The following RELN variants were observed in gnomAD, a reference collection of about 807,000 sequenced individuals.
RELN encodes reelin.
In RELN, 108 loss-of-function variants were observed where a neutral mutation model predicts 427.6. The observed-to-expected ratio is 0.25, with a 90% CI of 0.22 to 0.30. The LOEUF (loss-of-function observed/expected upper bound fraction) is 0.30, where lower values mean the gene tolerates loss of function less well. Among genes scored for constraint, RELN ranks in the 10% least tolerant of loss-of-function variants. The pLI is 1.00. For synonymous variants in RELN, 1,524 were observed against 1,513.4 expected (o/e 1.01, Z -0.16); for missense variants, 3,715 against 4,302.8 (o/e 0.86, Z 3.82).
intron 2 of RELN, among the ~76,000 whole-genome samples, chr7:103,914,193 T>G (rs2116662259): frequency 6.6e-6 from 1 of 152,314 alleles, no homozygotes; most frequent in South Asian, 2.1e-4. Flanking sequence ...TTTGTTTGTC[T>G]TACTAGCTAA....
intron 57 of RELN, among the ~76,000 whole-genome samples, chr7:103,494,705 C>T (rs1450899651): frequency 2.6e-5 from 4 of 151,752 alleles, no homozygotes; most frequent in African/African-American, 9.7e-5. Flanking sequence ...CTTTGCCTTT[C>T]TCTGAGTGTC....
intron 20 of RELN, among the ~76,000 whole-genome samples, chr7:103,616,382 G>A (rs747736932): frequency 3.3e-5 from 5 of 152,000 alleles, no homozygotes; most frequent in African/African-American, 4.8e-5. Context: ...TCAAAGAAAC[G>A]TTTACTAGAT....
At chr7:103,944,128 A>C (rs1796171691) in intron 1 of RELN, among the ~76,000 whole-genome samples, 1 of 152,166 alleles carries the variant, frequency 6.6e-6, no homozygotes, top group South Asian at 2.1e-4. Flanking sequence ...GCGAATGGAG[A>C]AAAAACTGTG....
chr7:103,623,955 T>G (rs764561188), intron 20 of RELN, among the ~76,000 whole-genome samples: 12 of 152,174 alleles, frequency 7.9e-5, no homozygotes, highest in Non-Finnish European at 1.8e-4. Context: ...CTTTTGTAAC[T>G]TAAAATTCCA....
intron 1 of RELN, among the ~76,000 whole-genome samples, chr7:103,970,907 G>A (rs890882381): frequency 2.0e-5 from 3 of 152,142 alleles, no homozygotes; most frequent in Non-Finnish European, 1.5e-5. Context: ...TGTAATCCCA[G>A]CACTTTGGGA....
At chr7:103,660,667 A>G (rs1178396871) in intron 12 of RELN, among the ~76,000 whole-genome samples, 1 of 152,182 alleles carries the variant, frequency 6.6e-6, no homozygotes, top group Non-Finnish European at 1.5e-5. Flanking sequence ...TTTCACTTCC[A>G]GATATTGCCT....
chr7:103,929,270 C>T (rs1242460030), intron 1 of RELN, among the ~76,000 whole-genome samples: 2 of 152,140 alleles, frequency 1.3e-5, no homozygotes, highest in Non-Finnish European at 2.9e-5. Flanking sequence ...GAGCTCACTG[C>T]CAGTGTCTAG....
intron 19 of RELN, among the ~76,000 whole-genome samples, chr7:103,631,641 G>A (rs1309384482): frequency 1.3e-5 from 2 of 152,002 alleles, no homozygotes; most frequent in African/African-American, 4.8e-5. Flanking sequence ...ACATTTATGA[G>A]TTTTAAATAC....
intron 4 of RELN, among the ~76,000 whole-genome samples, chr7:103,771,447 A>G (rs1487431141): frequency 6.6e-6 from 1 of 151,936 alleles, no homozygotes; most frequent in Non-Finnish European, 1.5e-5. Flanking sequence ...TCCCTAATGA[A>G]TGCATTGCCT....
rs1366382619 is a variant in RELN, at chr7:103,489,835, G to A, written c.9670C>T (p.His3224Tyr). 1.9e-6 allele frequency: 3 copies of A among 1,614,168 alleles called. No individual in the cohort carries two copies. The Admixed American group carries it at 5.0e-5, about 27-fold the overall frequency. The stretch of plus-strand genomic sequence containing the variant: ...GGGCAAGCCTCTCCAATGTACACGT[G>A]GTCAATTGCCCAGCTTTGCTTCTCA... ...ETEKQSWAIDHVYIGEACPKL... is the reference protein window; with the variant it reads ...ETEKQSWAIDYVYIGEACPKL... Residue 3224 changes from histidine to tyrosine, a missense_variant, in exon 60 of 65, where the codon CAC becomes TAC. This residue lies in a region of RELN where 1,310 missense variants were observed against 1,643.0 expected (regional missense o/e 0.80). Coordinates refer to ENST00000428762, the MANE Select transcript of RELN (RefSeq NM_005045.4).
intron 3 of RELN, among the ~76,000 whole-genome samples, chr7:103,816,806 A>G (rs1792883285): frequency 6.6e-6 from 1 of 151,974 alleles, no homozygotes; most frequent in Admixed American, 6.6e-5. Flanking sequence ...CTGATAACTC[A>G]CAGACTATCA....
intron 1 of RELN, among the ~76,000 whole-genome samples, chr7:103,923,221 A>C (rs1795653859): frequency 6.6e-6 from 1 of 152,208 alleles, no homozygotes; most frequent in Non-Finnish European, 1.5e-5. Context: ...TATTTGCTGC[A>C]AAATTTCATC....
In RELN at chr7:103,566,331, A is replaced by C; in HGVS notation, c.4829T>G (p.Phe1610Cys). 1 of 1,614,118 alleles carries C rather than the reference A, an allele frequency of 6.2e-7. No homozygotes were observed. The highest frequency in any genetic ancestry group is 8.5e-7 in the Non-Finnish European group (1 of 1,179,992). The change falls in exon 33 of 65, where the codon TTT (phenylalanine) becomes TGT (cysteine). Residue 1610 changes from phenylalanine (F) to cysteine (C), a missense_variant. This residue lies in a region of RELN where 2,208 missense variants were observed against 2,361.7 expected (regional missense o/e 0.93). Coordinates refer to ENST00000428762, the MANE Select transcript of RELN (RefSeq NM_005045.4). ...GGCTTGCAAATCTATAGAGCCATCA[A>C]ATTTGTCTTGAAATCCAGTTTGAGA... ...DSSQTGFQDK[F>C]DGSIDLQANW...
chr7:103,924,985 TACACATAC>T (rs1358899214), intron 1 of RELN, among the ~76,000 whole-genome samples: 7,121 of 137,514 alleles, frequency 0.052, 318 homozygotes, highest in East Asian at 0.14. Context: ...TGCATGCGCA[TACACATAC>T]ACACACACAC....
intron 2 of RELN, among the ~76,000 whole-genome samples, chr7:103,901,444 T>G (rs996974897): frequency 5.3e-5 from 8 of 151,932 alleles, no homozygotes; most frequent in Non-Finnish European, 7.4e-5. Flanking sequence ...ACACAAAAAC[T>G]TGTACACAAA....
intron 1 of RELN, among the ~76,000 whole-genome samples, chr7:103,946,581 A>T (rs1193818505): frequency 2.0e-5 from 3 of 152,170 alleles, no homozygotes; most frequent in African/African-American, 4.8e-5. Context: ...ATTAATCAGC[A>T]CTTCCTCATT....
At chr7:103,864,504 T>C (rs1433296610) in intron 2 of RELN, among the ~76,000 whole-genome samples, 1 of 152,162 alleles carries the variant, frequency 6.6e-6, no homozygotes, top group African/African-American at 2.4e-5. Flanking sequence ...TTCTGTGAGT[T>C]TGACATTTTT....
At chr7:103,561,255 A>T (rs1421658769) in intron 36 of RELN, among the ~76,000 whole-genome samples, 1 of 152,220 alleles carries the variant, frequency 6.6e-6, no homozygotes, top group Non-Finnish European at 1.5e-5. Flanking sequence ...GGAAATTTAC[A>T]TTCTAAAAAC....
chr7:103,532,579 C>T (rs1173464999), intron 46 of RELN, among the ~76,000 whole-genome samples: 4 of 152,076 alleles, frequency 2.6e-5, no homozygotes, highest in Non-Finnish European at 4.4e-5. Flanking sequence ...TTAATACAAC[C>T]TACAATGCTC....
Sources: gnomAD v4.1 joint callset for allele counts (sites outside exome capture counted in the v4.1 genomes callset) on GRCh38, gnomAD v4.1.1 for gene constraint, gnomAD v4.1.1 regional missense constraint, MANE v1.5 for transcripts, NCBI Gene and HGNC (gene_info 2026-07-23, HGNC 2026-07-21) for gene names.